Variants in STPG2 observed in about 807,000 individuals in gnomAD.
STPG2 encodes sperm tail PG-rich repeat containing 2, also known as sperm-tail PG-rich repeat-containing protein 2.
In STPG2, 56 loss-of-function variants were observed where a neutral mutation model predicts 54.2. The observed-to-expected ratio is 1.03, with a 90% CI of 0.83 to 1.29. STPG2 has a LOEUF of 1.29. Ranked by LOEUF, STPG2 falls within the 50% of genes most tolerant of loss-of-function variation. The probability of loss-of-function intolerance (pLI) is 0.00; values close to 1 mark genes in which losing one functional copy is unlikely to be tolerated. For synonymous variants in STPG2, 200 were observed against 181.8 expected (o/e 1.10, Z -0.81); for missense variants, 596 against 544.9 (o/e 1.09, Z -0.93).
chr4:97,964,554 T>G (rs1734018698), intron 7 of STPG2, among the ~76,000 whole-genome samples: 1 of 152,118 alleles, frequency 6.6e-6, no homozygotes, highest in African/African-American at 2.4e-5. Context: ...TAAGTTTTAA[T>G]GAACATTAAA....
At chr4:97,998,173 T>C (rs1440333301) in intron 5 of STPG2, among the ~76,000 whole-genome samples, 1 of 152,184 alleles carries the variant, frequency 6.6e-6, no homozygotes, top group Non-Finnish European at 1.5e-5. Flanking sequence ...CATGCTTCCA[T>C]TAGAAGATGG....
At chr4:97,441,642 A>C (rs1462824068) in intron 4 of STPG2, 5 of 152,002 alleles carry the variant, frequency 3.3e-5, no homozygotes, top group Admixed American at 3.3e-4. Context: ...ACTTCTAATA[A>C]AAAAGATATA....
intron 1 of STPG2, among the ~76,000 whole-genome samples, chr4:98,139,604 G>T (rs1578189904): frequency 6.6e-6 from 1 of 152,056 alleles, no homozygotes; most frequent in African/African-American, 2.4e-5. Context: ...ATCTTTCAGA[G>T]AATCCAGCAG....
chr4:98,093,956 A>G (rs783944), intron 5 of STPG2, among the ~76,000 whole-genome samples: 129,939 of 152,064 alleles, frequency 0.85, 55,660 homozygotes, highest in Middle Eastern at 0.97. Context: ...TGGGGTCCTA[A>G]GTAAACTTGA....
chr4:97,947,709 C>T (rs747596295), intron 7 of STPG2, among the ~76,000 whole-genome samples: 51 of 152,036 alleles, frequency 3.4e-4, no homozygotes, highest in Middle Eastern at 3.4e-3. Flanking sequence ...ATCATATTTA[C>T]TGACATGCTT....
intron 10 of STPG2, among the ~76,000 whole-genome samples, chr4:97,638,978 G>T (rs866361406): frequency 2.1e-4 from 32 of 150,366 alleles, no homozygotes; most frequent in Non-Finnish European, 4.7e-4. Flanking sequence ...CATTTGACCC[G>T]GCCATCCCAT....
intron 5 of STPG2, among the ~76,000 whole-genome samples, chr4:98,004,510 T>A (rs1010353789): frequency 4.6e-5 from 7 of 152,174 alleles, no homozygotes; most frequent in African/African-American, 1.7e-4. Flanking sequence ...TACTCAGAAG[T>A]GGGATTTCCA....
intron 4 of STPG2, among the ~76,000 whole-genome samples, chr4:97,466,242 G>T (rs1181544687): frequency 6.6e-6 from 1 of 152,010 alleles, no homozygotes; most frequent in Non-Finnish European, 1.5e-5. Flanking sequence ...GTCTGAGATA[G>T]AAATTTTTGT....
intron 9 of STPG2, among the ~76,000 whole-genome samples, chr4:97,839,332 A>C (rs1352711245): frequency 6.6e-6 from 1 of 151,648 alleles, no homozygotes; most frequent in Non-Finnish European, 1.5e-5. Context: ...CTAAATACTG[A>C]AGCAATGAAA....
intron 4 of STPG2, among the ~76,000 whole-genome samples, chr4:97,513,046 T>C (rs1256922578): frequency 6.6e-6 from 1 of 152,152 alleles, no homozygotes; most frequent in African/African-American, 2.4e-5. Flanking sequence ...CTGTGCTTCT[T>C]ATTGACTAGC....
At chr4:97,851,791 T>A (rs554261232) in intron 8 of STPG2, among the ~76,000 whole-genome samples, 7 of 152,192 alleles carry the variant, frequency 4.6e-5, no homozygotes, top group Non-Finnish European at 1.0e-4. Flanking sequence ...TGACTTTTAA[T>A]GCTTAAGTTT....
chr4:97,727,519 T>C (rs1724662242), intron 9 of STPG2, among the ~76,000 whole-genome samples: 1 of 151,924 alleles, frequency 6.6e-6, no homozygotes, highest in Non-Finnish European at 1.5e-5. Context: ...ACCCCCAGGT[T>C]TTTTATGCAG....
At chr4:97,908,501 C>A (rs1238687690) in intron 8 of STPG2, among the ~76,000 whole-genome samples, 3 of 151,496 alleles carry the variant, frequency 2.0e-5, no homozygotes, top group Non-Finnish European at 2.9e-5. Context: ...TTGACCCAGC[C>A]ATCCCATTAC....
At position 97,516,258 on chromosome 4, in the gene STPG2, A is replaced by G. The variant is rs75986953; in HGVS notation, c.462+196441T>C. Among the ~76,000 whole-genome samples the G allele has an allele frequency of 3.6e-3, 545 of 152,234 alleles. 4 individuals are homozygous for G. The highest frequency in any genetic ancestry group is 0.012 in the African/African-American group (506 of 41,550). The stretch of plus-strand genomic sequence containing the variant: ...ATTTTTGTAGTAATTTTCATTTTAT[A>G]TATTTGCAGTAACTTTGGCCATGAA... On this transcript the variant is annotated intron_variant, in intron 4 of 4. Coordinates refer to the STPG2 transcript ENST00000522676.
At chr4:97,848,496 A>T (rs1297201661) in intron 8 of STPG2, among the ~76,000 whole-genome samples, 1 of 152,096 alleles carries the variant, frequency 6.6e-6, no homozygotes, top group Non-Finnish European at 1.5e-5. Context: ...TACAAGCTCC[A>T]TAATATCATC....
chr4:97,756,026 A>G (rs908630432), intron 9 of STPG2, among the ~76,000 whole-genome samples: 3 of 151,952 alleles, frequency 2.0e-5, no homozygotes, highest in Non-Finnish European at 4.4e-5. Flanking sequence ...AAAATTATCT[A>G]TCTTTCTGAT....
At chr4:97,553,194 CT>C (rs1200517974) in intron 4 of STPG2, among the ~76,000 whole-genome samples, 3 of 152,174 alleles carry the variant, frequency 2.0e-5, no homozygotes, top group Non-Finnish European at 4.4e-5. Context: ...AGTGGCTAAA[CT>C]GCAATGAGTG....
intron 3 of STPG2, among the ~76,000 whole-genome samples, chr4:98,114,423 T>C (rs1295237217): frequency 6.6e-6 from 1 of 152,072 alleles, no homozygotes; most frequent in African/African-American, 2.4e-5. Flanking sequence ...TGTATATATT[T>C]CACACAAGAA....
At chr4:97,964,387 G>T (rs1371121652) in intron 7 of STPG2, among the ~76,000 whole-genome samples, 1 of 152,094 alleles carries the variant, frequency 6.6e-6, no homozygotes, top group South Asian at 2.1e-4. Flanking sequence ...TAAAAAGGAT[G>T]TACAATCATC....
Sources: gnomAD v4.1 joint callset for allele counts (sites outside exome capture counted in the v4.1 genomes callset) on GRCh38, gnomAD v4.1.1 for gene constraint, MANE v1.5 for transcripts, NCBI Gene and HGNC (gene_info 2026-07-23, HGNC 2026-07-21) for gene names.